Variants in TMEM45B observed in about 807,000 individuals in gnomAD.
TMEM45B encodes transmembrane protein 45B.
A neutral mutation model predicts 27.3 loss-of-function variants in TMEM45B; 29 were observed. The ratio of observed to expected loss-of-function variants is 1.06; its 90% confidence interval spans 0.79 to 1.45. The LOEUF (loss-of-function observed/expected upper bound fraction) is 1.45. Ranked by LOEUF, TMEM45B falls within the 40% of genes most tolerant of loss-of-function variation. TMEM45B has a pLI of 0.00. For missense variants in TMEM45B, 348 were observed against 343.9 expected (o/e 1.01, Z -0.09); for synonymous variants, 143 against 134.7 (o/e 1.06, Z -0.43).
In TMEM45B at chr11:129,854,836, G is replaced by A; in HGVS notation, c.385+20G>A. On this transcript the variant is annotated intron_variant, in intron 3 of 5. Coordinates refer to ENST00000281441, the MANE Select transcript of TMEM45B (RefSeq NM_138788.5). Reference sequence around the variant, plus strand: ...TGGAAGGTAATTTTGTGGAACGGATGGAGAGGAAGGAGAGCCTGACAAGTC... The same window carrying A: ...TGGAAGGTAATTTTGTGGAACGGATAGAGAGGAAGGAGAGCCTGACAAGTC... The A allele has an allele frequency of 6.2e-7, 1 of 1,605,526 alleles. No individual in the cohort carries two copies. Among genetic ancestry groups the A allele is most frequent in the Non-Finnish European group, 8.5e-7 (1 of 1,177,490 alleles).
chr11:129,821,570 G>A (rs1190603717), intron 1 of TMEM45B, among the ~76,000 whole-genome samples: 4 of 152,038 alleles, frequency 2.6e-5, no homozygotes, highest in African/African-American at 4.8e-5. Context: ...CATAAGATGC[G>A]GTTGCTTTTT....
chr11:129,854,831 C>G lies in TMEM45B; in HGVS notation c.385+15C>G, dbSNP rs768152205. Reference sequence around the variant, plus strand: ...ATTCATGGAAGGTAATTTTGTGGAACGGATGGAGAGGAAGGAGAGCCTGAC... The same window carrying G: ...ATTCATGGAAGGTAATTTTGTGGAAGGGATGGAGAGGAAGGAGAGCCTGAC... On this transcript the variant is annotated intron_variant, in intron 3 of 5. Transcript: ENST00000281441. 6.2e-7 allele frequency: 1 copy of G among 1,609,540 alleles called. No homozygotes were observed. The highest frequency in any genetic ancestry group is 1.3e-5 in the African/African-American group (1 of 75,002).
At chr11:129,855,137 G>GT (rs1285230058) in intron 3 of TMEM45B, among the ~76,000 whole-genome samples, 2 of 152,136 alleles carry the variant, frequency 1.3e-5, no homozygotes, top group East Asian at 3.9e-4. Context: ...CGGTGTGGAC[G>GT]TATGTGCGCA....
chr11:129,851,266 G>A (rs1164204247), intron 1 of TMEM45B, among the ~76,000 whole-genome samples: 4 of 152,126 alleles, frequency 2.6e-5, no homozygotes, highest in Middle Eastern at 3.4e-3. Context: ...CTTCTCGGCC[G>A]GGTGTGGTGG....
chr11:129,834,430 CA>C (rs1947592878), intron 1 of TMEM45B, among the ~76,000 whole-genome samples: 1 of 28,784 alleles, frequency 3.5e-5, no homozygotes, highest in South Asian at 3.2e-3. Flanking sequence ...GACTCAGTCT[CA>C]AAGGAAAAAA....
intron 1 of TMEM45B, among the ~76,000 whole-genome samples, chr11:129,847,810 C>T (rs1406372988): frequency 6.6e-6 from 1 of 152,150 alleles, no homozygotes; most frequent in African/African-American, 2.4e-5. Flanking sequence ...AGCAACCATC[C>T]GATTTCTCAA....
In TMEM45B at chr11:129,825,748, AGTCT is replaced by A. The variant is rs533477174; in HGVS notation, c.-9+9857_-9+9860del. Among the ~76,000 whole-genome samples, 232 of 152,242 alleles carry A rather than the reference AGTCT, an allele frequency of 1.5e-3. 1 individual carries two copies. Among genetic ancestry groups the A allele is most frequent in the African/African-American group, 4.9e-3 (202 of 41,548 alleles). ...TGGATGCTGAGGGAAGGAAGGAAGG[AGTCT>A]GTCTGTAAGCTTGAGCACTTTTTCC... is the stretch of plus-strand genomic sequence containing the variant. On this transcript the variant is annotated intron_variant, in intron 1 of 5. Transcript: ENST00000281441.
chr11:129,832,531 C>A (rs1032569675), intron 1 of TMEM45B, among the ~76,000 whole-genome samples: 1 of 151,228 alleles, frequency 6.6e-6, no homozygotes, highest in Non-Finnish European at 1.5e-5. Flanking sequence ...TTGGTGATTG[C>A]CAGGGGTTGG....
At chr11:129,853,704 C>T (rs575348353) in intron 2 of TMEM45B, among the ~76,000 whole-genome samples, 181 of 152,248 alleles carry the variant, frequency 1.2e-3, no homozygotes, top group African/African-American at 4.2e-3. Flanking sequence ...ACCACACAGC[C>T]GCTGCTGTCA....
intron 1 of TMEM45B, among the ~76,000 whole-genome samples, chr11:129,821,540 A>G (rs1464046565): frequency 6.6e-6 from 1 of 152,152 alleles, no homozygotes; most frequent in African/African-American, 2.4e-5. Flanking sequence ...GGCTCCCAAA[A>G]GTGTATAAGA....
intron 1 of TMEM45B, among the ~76,000 whole-genome samples, chr11:129,837,406 C>G (rs939751499): frequency 6.6e-5 from 10 of 151,846 alleles, no homozygotes; most frequent in Non-Finnish European, 8.8e-5. Context: ...CTGCCTCAGC[C>G]TCCTGAGTAG....
chr11:129,850,365 A>G (rs932143702), intron 1 of TMEM45B: 1 of 152,000 alleles, frequency 6.6e-6, no homozygotes, highest in Non-Finnish European at 1.5e-5. Context: ...GGGTTTCACC[A>G]TGTTTGTCAG....
intron 1 of TMEM45B, among the ~76,000 whole-genome samples, chr11:129,832,889 T>C (rs1370019461): frequency 1.3e-5 from 2 of 152,166 alleles, no homozygotes; most frequent in African/African-American, 4.8e-5. Context: ...TGTAGCTTGT[T>C]ATACACCTGA....
intron 2 of TMEM45B, among the ~76,000 whole-genome samples, chr11:129,853,198 C>T (rs1424984017): frequency 6.6e-6 from 1 of 152,284 alleles, no homozygotes; most frequent in South Asian, 2.1e-4. Context: ...TTCCTTCACT[C>T]TGCCCCATTC....
chr11:129,822,364 G>A (rs544034597), intron 1 of TMEM45B, among the ~76,000 whole-genome samples: 54 of 152,172 alleles, frequency 3.5e-4, no homozygotes, highest in African/African-American at 1.2e-3. Flanking sequence ...TGCCTTTCAC[G>A]TTGGAAGCTT....
intron 1 of TMEM45B, among the ~76,000 whole-genome samples, chr11:129,835,243 C>A (rs1374977489): frequency 3.3e-5 from 5 of 152,190 alleles, no homozygotes; most frequent in Non-Finnish European, 7.3e-5. Flanking sequence ...AAAGCACATT[C>A]TGGAGAAAAG....
At chr11:129,830,668 G>T (rs1312505598) in intron 1 of TMEM45B, among the ~76,000 whole-genome samples, 1 of 152,172 alleles carries the variant, frequency 6.6e-6, no homozygotes, top group Non-Finnish European at 1.5e-5. Flanking sequence ...CAATGTATTT[G>T]AGTAGGCATT....
Position 129,815,903 on chromosome 11 carries a change from G to A in TMEM45B, c.-9+5G>A. On this transcript the variant is annotated splice_donor_5th_base_variant and intron_variant, in intron 1 of 5. Transcript: ENST00000281441. ...GCTGCGAGGCGCTGGGCACAGGTCA[G>A]ACGTCCGTACCCGCAGGGGGCTCGA... is the stretch of plus-strand genomic sequence containing the variant. 7.8e-7 allele frequency: 1 copy of A among 1,282,390 alleles called. No individual in the cohort carries two copies. The highest frequency in any genetic ancestry group is 9.8e-7 in the Non-Finnish European group (1 of 1,020,738). 79.4% of individuals were successfully genotyped at this position (1,282,390 alleles called of 1,614,324 possible).
chr11:129,847,926 G>A (rs1380156243), intron 1 of TMEM45B, among the ~76,000 whole-genome samples: 2 of 152,104 alleles, frequency 1.3e-5, no homozygotes, highest in Admixed American at 6.5e-5. Flanking sequence ...GGTGGTGGTG[G>A]CCGGGCAGAG....
Sources: gnomAD v4.1 joint callset for allele counts (sites outside exome capture counted in the v4.1 genomes callset) on GRCh38, gnomAD v4.1.1 for gene constraint, MANE v1.5 for transcripts, NCBI Gene and HGNC (gene_info 2026-07-23, HGNC 2026-07-21) for gene names.